Variants in G3BP2 observed in about 807,000 individuals in gnomAD.
G3BP2 encodes G3BP stress granule assembly factor 2.
G3BP2 carries 11 observed loss-of-function variants against 56.7 expected under a neutral mutation model. That is an observed-to-expected ratio of 0.19 (90% CI 0.12 to 0.32). The LOEUF is 0.32. Ranked by LOEUF, G3BP2 falls within the 10% of genes least tolerant of loss-of-function variation. The probability of loss-of-function intolerance (pLI) is 1.00; values close to 1 mark genes in which losing one functional copy is unlikely to be tolerated. For missense variants in G3BP2, 340 were observed against 610.9 expected (o/e 0.56, Z 4.67); for synonymous variants, 165 against 191.6 (o/e 0.86, Z 1.15).
In G3BP2 at chr4:75,672,898, TC is replaced by T. The variant is rs368486690; in HGVS notation, c.-25+309del. 1.2e-3 allele frequency: 677 copies of T among 571,470 alleles called. 3 individuals carry two copies. Among genetic ancestry groups the T allele is most frequent in the African/African-American group, 7.3e-3 (356 of 48,480 alleles). 35.4% of individuals were successfully genotyped at this position (571,470 alleles called of 1,614,324 possible). A position where few individuals can be genotyped will look rare whatever the true frequency, so the allele number is the denominator to read the frequency against. On this transcript the variant is annotated intron_variant, in intron 1 of 11. Transcript: ENST00000359707. ...GCGCCTTCGGGAGCTGCTGCGTGCC[TC>T]CCCCCCCACTTCGCCACCTCATCCC...
chr4:75,673,697 T>G (rs755838378), upstream of G3BP2: 23 of 1,085,792 alleles, frequency 2.1e-5, no homozygotes, highest in Non-Finnish European at 2.5e-5. Flanking sequence ...TTGCCGCCCT[T>G]CTTCCTGATC....
At chr4:75,654,801 G>C (rs1234465063) in intron 7 of G3BP2, 8 of 385,482 alleles carry the variant, frequency 2.1e-5, no homozygotes, top group Non-Finnish European at 3.2e-5. Context: ...TCTATACATG[G>C]ATCCAAATAA....
chr4:75,689,238 G>A lies in G3BP2; in HGVS notation c.-24-27189C>T, dbSNP rs370896433. On this transcript the variant is annotated intron_variant, in intron 3 of 3. Coordinates refer to the G3BP2 transcript ENST00000499709. ...CTAAAAATATAAAAATTAGCCAGGC[G>A]TGGTGGCGCATGCCTGTAATCCCAC... Among the ~76,000 whole-genome samples the A allele has an allele frequency of 5.9e-5, 9 of 152,202 alleles. No individual in the cohort carries two copies. In the South Asian group the frequency reaches 6.2e-4, roughly 11 times the overall value.
chr4:75,684,085 A>G (rs1326871833), intron 3 of G3BP2, among the ~76,000 whole-genome samples: 1 of 152,182 alleles, frequency 6.6e-6, no homozygotes, highest in Non-Finnish European at 1.5e-5. Flanking sequence ...AAGCTTTGCT[A>G]TAAGCAGAAC....
intron 3 of G3BP2, among the ~76,000 whole-genome samples, chr4:75,695,288 G>C (rs892984449): frequency 6.6e-6 from 1 of 152,120 alleles, no homozygotes; most frequent in Admixed American, 6.6e-5. Flanking sequence ...CCTGATTTGC[G>C]GCAATCAGAC....
chr4:75,707,768 T>TG (rs1719609020), intron 3 of G3BP2, among the ~76,000 whole-genome samples: 1 of 152,186 alleles, frequency 6.6e-6, no homozygotes, highest in Non-Finnish European at 1.5e-5. Context: ...AAAATGAACT[T>TG]GCATTTTTCA....
chr4:75,683,909 G>C (rs1718454163), intron 3 of G3BP2, among the ~76,000 whole-genome samples: 1 of 152,122 alleles, frequency 6.6e-6, no homozygotes, highest in African/African-American at 2.4e-5. Flanking sequence ...AAGGCCTTTT[G>C]TGCACAAGAA....
chr4:75,697,190 C>T (rs1219855268), intron 3 of G3BP2, among the ~76,000 whole-genome samples: 4 of 144,576 alleles, frequency 2.8e-5, no homozygotes, highest in African/African-American at 1.0e-4. Flanking sequence ...AGGAGAATGG[C>T]GTGAACCCAG....
intron 1 of G3BP2, among the ~76,000 whole-genome samples, chr4:75,665,386 C>T (rs1428309415): frequency 6.6e-6 from 1 of 152,126 alleles, no homozygotes; most frequent in Non-Finnish European, 1.5e-5. Flanking sequence ...ATTGATTTTC[C>T]AGAAAACTTA....
At chr4:75,673,451 C>T (rs1056770544), upstream of G3BP2, 1 of 1,232,220 alleles carries the variant, frequency 8.1e-7, no homozygotes, top group Non-Finnish European at 1.0e-6. Flanking sequence ...ATTGTTTTAC[C>T]CCTGCCGAAA....
intron 3 of G3BP2, among the ~76,000 whole-genome samples, chr4:75,703,227 T>C (rs1254243973): frequency 1.3e-5 from 2 of 152,158 alleles, no homozygotes; most frequent in African/African-American, 4.8e-5. Context: ...TAACAAATGA[T>C]CAAACACGAG....
chr4:75,685,708 C>T (rs1546539), intron 3 of G3BP2, among the ~76,000 whole-genome samples: 133,158 of 152,148 alleles, frequency 0.88, 58,300 homozygotes, highest in East Asian at 0.92. Context: ...CAAAGCACCA[C>T]ATAAATATAA....
At chr4:75,697,229 A>C (rs1478762235) in intron 3 of G3BP2, among the ~76,000 whole-genome samples, 3 of 140,042 alleles carry the variant, frequency 2.1e-5, no homozygotes, top group Non-Finnish European at 3.0e-5. Flanking sequence ...AGCCGAGATC[A>C]TGCCACTACA....
chr4:75,670,978 T>A (rs1733437213), intron 1 of G3BP2, among the ~76,000 whole-genome samples: 1 of 152,202 alleles, frequency 6.6e-6, no homozygotes, highest in South Asian at 2.1e-4. Flanking sequence ...AATCCAAGAA[T>A]AATTTTCAAT....
chr4:75,659,541 T>G (rs1732381079), intron 2 of G3BP2, among the ~76,000 whole-genome samples: 1 of 152,230 alleles, frequency 6.6e-6, no homozygotes, highest in Non-Finnish European at 1.5e-5. Context: ...CAATTAGAAT[T>G]AACATCTTTC....
chr4:75,700,926 C>T (rs576670624), intron 3 of G3BP2, among the ~76,000 whole-genome samples: 64 of 152,146 alleles, frequency 4.2e-4, no homozygotes, highest in African/African-American at 1.4e-3. Flanking sequence ...GCAAACTCCA[C>T]CTACTGGGTT....
At chr4:75,702,270 A>G (rs1176847409) in intron 3 of G3BP2, among the ~76,000 whole-genome samples, 1 of 147,010 alleles carries the variant, frequency 6.8e-6, no homozygotes, top group Non-Finnish European at 1.5e-5. Context: ...CCATCTCCCA[A>G]GTAGCCGGGC....
At chr4:75,713,930 T>C (rs945027360) in intron 3 of G3BP2, among the ~76,000 whole-genome samples, 3 of 152,174 alleles carry the variant, frequency 2.0e-5, no homozygotes, top group African/African-American at 4.8e-5. Context: ...CAAACCTAAA[T>C]TGAGGGGCAT....
At chr4:75,693,069 C>A (rs1401020170) in intron 3 of G3BP2, among the ~76,000 whole-genome samples, 2 of 151,790 alleles carry the variant, frequency 1.3e-5, no homozygotes, top group Non-Finnish European at 2.9e-5. Flanking sequence ...TATGGTGAAA[C>A]CCTGTCTCTA....
Sources: gnomAD v4.1 joint callset for allele counts (sites outside exome capture counted in the v4.1 genomes callset) on GRCh38, gnomAD v4.1.1 for gene constraint, MANE v1.5 for transcripts, NCBI Gene and HGNC (gene_info 2026-07-23, HGNC 2026-07-21) for gene names.